Variants in PARG observed in about 807,000 individuals in gnomAD.
The protein encoded by PARG is poly(ADP-ribose) glycohydrolase, also known as mitochondrial poly(ADP-ribose) glycohydrolase.
In PARG, 35 loss-of-function variants were observed where a neutral mutation model predicts 113.0. The ratio of observed to expected loss-of-function variants is 0.31; its 90% confidence interval spans 0.24 to 0.41. The LOEUF (loss-of-function observed/expected upper bound fraction) is 0.41, where lower values mean the gene tolerates loss of function less well. Among genes scored for constraint, PARG ranks in the 10% least tolerant of loss-of-function variants. The probability of loss-of-function intolerance (pLI) is 1.00; values close to 1 mark genes in which losing one functional copy is unlikely to be tolerated. For missense variants in PARG, 797 were observed against 1,169.4 expected, an observed-to-expected ratio of 0.68 and a Z score of 4.64; for synonymous variants, 330 against 409.9, an observed-to-expected ratio of 0.81 and a Z score of 2.36.
At chr10:49,902,206 T>A (rs1223798479) in intron 7 of PARG, among the ~76,000 whole-genome samples, 1 of 152,224 alleles carries the variant, frequency 6.6e-6, no homozygotes, top group African/African-American at 2.4e-5. Flanking sequence ...TGTAGCTTTT[T>A]GTTTAGAGGT....
chr10:49,865,712 T>A (rs187952760), intron 10 of PARG, among the ~76,000 whole-genome samples: 486 of 146,602 alleles, frequency 3.3e-3, no homozygotes, highest in African/African-American at 0.01. Flanking sequence ...CACTTTTTTT[T>A]AAAAAAAAAA....
chr10:49,825,224 A>C (rs1429097375), intron 16 of PARG, among the ~76,000 whole-genome samples: 1 of 152,076 alleles, frequency 6.6e-6, no homozygotes, highest in Non-Finnish European at 1.5e-5. Flanking sequence ...TTAAATCTTG[A>C]CACTCCCTCC....
At chr10:49,846,200 T>A (rs1450140327) in intron 13 of PARG, among the ~76,000 whole-genome samples, 1 of 151,098 alleles carries the variant, frequency 6.6e-6, no homozygotes, top group Non-Finnish European at 1.5e-5. Flanking sequence ...AGATCTCACA[T>A]TACGCTAAGC....
chr10:49,893,863 T>C (rs1847936887), intron 7 of PARG, among the ~76,000 whole-genome samples: 1 of 122,516 alleles, frequency 8.2e-6, no homozygotes, highest in Non-Finnish European at 1.7e-5. Context: ...CCAGCTAATG[T>C]TTTTTTTTGT....
chr10:49,896,859 T>G (rs1848114408), intron 7 of PARG, among the ~76,000 whole-genome samples: 1 of 152,200 alleles, frequency 6.6e-6, no homozygotes, highest in Non-Finnish European at 1.5e-5. Flanking sequence ...TTATTTGAGT[T>G]TCTGTGAACT....
chr10:49,859,784 T>C (rs1846169962), intron 12 of PARG, among the ~76,000 whole-genome samples: 1 of 152,234 alleles, frequency 6.6e-6, no homozygotes, highest in Admixed American at 6.5e-5. Context: ...GACACTAAAC[T>C]CAGTATGCCT....
intron 4 of PARG, among the ~76,000 whole-genome samples, chr10:49,926,751 A>C (rs1348615780): frequency 4.8e-4 from 73 of 151,302 alleles, no homozygotes; most frequent in East Asian, 1.6e-3. Flanking sequence ...TTTGGGACCA[A>C]ACCAATATAT....
chr10:49,889,143 G>A (rs1336753845), intron 7 of PARG, among the ~76,000 whole-genome samples: 1 of 149,858 alleles, frequency 6.7e-6, no homozygotes, highest in Non-Finnish European at 1.5e-5. Flanking sequence ...TCTTGTGATG[G>A]CTACTTTAAA....
intron 13 of PARG, among the ~76,000 whole-genome samples, chr10:49,852,569 T>C (rs541826668): frequency 3.8e-5 from 5 of 130,766 alleles, no homozygotes; most frequent in South Asian, 2.4e-4. Context: ...TCTTCTTCTT[T>C]TTTTCTTTTT....
chr10:49,824,922 C>G (rs1462461150), intron 16 of PARG, among the ~76,000 whole-genome samples: 1 of 152,094 alleles, frequency 6.6e-6, no homozygotes, highest in Non-Finnish European at 1.5e-5. Flanking sequence ...TGGCAATCCA[C>G]CCTGGTCAAC....
chr10:49,915,373 T>G (rs1837414070), intron 7 of PARG, among the ~76,000 whole-genome samples: 1 of 152,136 alleles, frequency 6.6e-6, no homozygotes, highest in Admixed American at 6.5e-5. Flanking sequence ...CTGCTAATGG[T>G]ACTATGAAAG....
intron 7 of PARG, among the ~76,000 whole-genome samples, chr10:49,905,176 T>G (rs1213435902): frequency 2.8e-4 from 42 of 151,398 alleles, no homozygotes; most frequent in Non-Finnish European, 2.5e-4. Context: ...ATAAAGAAAC[T>G]TAAAGAATTT....
chr10:49,933,773 A>G lies in PARG; in HGVS notation c.675T>C (p.Asp225=). The change falls in exon 3 of 18, where the codon GAT becomes GAC. Residue 225 remains aspartate (D), a synonymous_variant. Transcript: ENST00000616448. ...KLANAKQTTE[D]EQAREAKSHQ... is the part of the protein sequence containing the mutation. ...GGCTTTTGGCTTCTCTGGCCTGTTC[A>G]TCTTCTGTAGTCTGCTTTGCATTTG... The G allele has an allele frequency of 6.2e-7, 1 of 1,613,534 alleles. No individual in the cohort carries two copies. Among genetic ancestry groups the G allele is most frequent in the African/African-American group, 1.3e-5 (1 of 75,000 alleles).
chr10:49,927,963 C>T (rs1342272133), intron 4 of PARG, among the ~76,000 whole-genome samples: 535 of 144,088 alleles, frequency 3.7e-3, no homozygotes, highest in East Asian at 0.015. Flanking sequence ...GATCCTGTCT[C>T]TTTAAAAAAA....
At chr10:49,920,451 T>TAAAAAAAAA (rs781928566) in intron 6 of PARG, among the ~76,000 whole-genome samples, 1 of 39,860 alleles carries the variant, frequency 2.5e-5, no homozygotes, top group Non-Finnish European at 4.4e-5. Context: ...AGCCTCAAAT[T>TAAAAAAAAA]AAAAAAAAAA....
At chr10:49,819,639 A>C in intron 17 of PARG, 145 bp from the exon 18 acceptor site, 2 of 637,688 alleles carry the variant, frequency 3.1e-6, no homozygotes. Flanking sequence ...CATATGCCTG[A>C]AAGGCTTTCC....
At chr10:49,879,549 G>A in intron 9 of PARG, 124 bp downstream of exon 9, 4 of 612,682 alleles carry the variant, frequency 6.5e-6, no homozygotes, top group South Asian at 2.1e-5. Context: ...CTTAAGTACT[G>A]TAAAAATTAA....
At chr10:49,911,666 C>A (rs1413766502) in intron 7 of PARG, among the ~76,000 whole-genome samples, 1 of 152,198 alleles carries the variant, frequency 6.6e-6, no homozygotes, top group Admixed American at 6.5e-5. Context: ...CTAATAAAAG[C>A]TTAGGTAATA....
intron 15 of PARG, among the ~76,000 whole-genome samples, chr10:49,841,344 C>G (rs1332473161): frequency 6.6e-6 from 1 of 152,002 alleles, no homozygotes; most frequent in Non-Finnish European, 1.5e-5. Context: ...TTTGGGAAAG[C>G]CCAAAATCCA....
Sources: gnomAD v4.1 joint callset for allele counts (sites outside exome capture counted in the v4.1 genomes callset) on GRCh38, gnomAD v4.1.1 for gene constraint, MANE v1.5 for transcripts, NCBI Gene and HGNC (gene_info 2026-07-23, HGNC 2026-07-21) for gene names.